Variants in CSMD1 observed in about 807,000 individuals in gnomAD.
CSMD1 encodes the protein CUB and Sushi multiple domains 1, also known as CUB and sushi domain-containing protein 1.
CSMD1 carries 213 observed loss-of-function variants against 417.5 expected under a neutral mutation model. The observed-to-expected ratio is 0.51, with a 90% CI of 0.46 to 0.57. The LOEUF is 0.57. Among genes scored for constraint, CSMD1 ranks in the 20% least tolerant of loss-of-function variants. The probability of loss-of-function intolerance (pLI) is 0.00; values close to 1 mark genes in which losing one functional copy is unlikely to be tolerated. For synonymous variants in CSMD1, 2,862 were observed against 1,736.8 expected, an observed-to-expected ratio of 1.65 and a Z score of -16.11; for missense variants, 6,923 against 4,529.7, an observed-to-expected ratio of 1.53 and a Z score of -15.17.
intron 3 of CSMD1, among the ~76,000 whole-genome samples, chr8:4,101,687 A>C (rs1801312422): frequency 6.6e-6 from 1 of 152,228 alleles, no homozygotes; most frequent in Non-Finnish European, 1.5e-5. Context: ...AGTGATGGTA[A>C]CCAAATGATT....
intron 2 of CSMD1, among the ~76,000 whole-genome samples, chr8:4,562,921 A>T (rs573036921): frequency 4.1e-4 from 62 of 152,306 alleles, no homozygotes; most frequent in African/African-American, 1.5e-3. Flanking sequence ...ATGTATATAT[A>T]AAAAAATTAA....
chr8:4,777,183 C>T (rs1388230924), intron 1 of CSMD1, among the ~76,000 whole-genome samples: 2 of 152,174 alleles, frequency 1.3e-5, no homozygotes, highest in Admixed American at 1.3e-4. Context: ...TCCTGTTTTA[C>T]CTTGTGGTTG....
rs967234017 is a variant in CSMD1 at position 4,787,255 on chromosome 8, G to A, written c.86-149697C>T. Reference sequence around the variant, plus strand: ...CGCGCCTCCTTCCCCGCCCAGAGATGCTCTCTGATCACCCCTCTTTTCTAG... The same window carrying A: ...CGCGCCTCCTTCCCCGCCCAGAGATACTCTCTGATCACCCCTCTTTTCTAG... On this transcript the variant is annotated intron_variant, in intron 1 of 69. Transcript: ENST00000635120. 2.5e-5 allele frequency: 14 copies of A among 554,106 alleles called. No homozygotes were observed. The East Asian group carries it at 2.7e-4, about 11-fold the overall frequency. The allele number at this position is 554,106 out of a possible 1,614,324, so 34.3% of individuals were successfully genotyped here.
At chr8:3,509,030 C>A (rs1281811171) in intron 10 of CSMD1, among the ~76,000 whole-genome samples, 1 of 152,194 alleles carries the variant, frequency 6.6e-6, no homozygotes, top group African/African-American at 2.4e-5. Context: ...AGCTATCTGA[C>A]CTTGGGCAAG....
chr8:4,061,923 T>C (rs1388456794), intron 3 of CSMD1, among the ~76,000 whole-genome samples: 2 of 152,182 alleles, frequency 1.3e-5, no homozygotes, highest in African/African-American at 4.8e-5. Flanking sequence ...CAATTATGCA[T>C]TACTGACTAA....
chr8:4,272,582 CT>C (rs1225493343), intron 3 of CSMD1, among the ~76,000 whole-genome samples: 1 of 152,022 alleles, frequency 6.6e-6, no homozygotes, highest in African/African-American at 2.4e-5. Context: ...TGCAGTATAC[CT>C]TTTTTGAAGG....
chr8:4,465,874 T>G (rs1045858273), intron 2 of CSMD1, among the ~76,000 whole-genome samples: 18 of 152,288 alleles, frequency 1.2e-4, no homozygotes, highest in Non-Finnish European at 7.4e-5. Context: ...TGATTGTATC[T>G]GGAAGTGGCT....
intron 1 of CSMD1, among the ~76,000 whole-genome samples, chr8:4,975,218 G>A (rs10113551): frequency 0.15 from 22,949 of 151,992 alleles, 1,891 homozygotes; most frequent in East Asian, 0.31. Context: ...CCAAAGTTAT[G>A]AAAATATCAG....
At chr8:3,732,354 G>C (rs1047460202) in intron 6 of CSMD1, among the ~76,000 whole-genome samples, 3 of 151,886 alleles carry the variant, frequency 2.0e-5, no homozygotes, top group Non-Finnish European at 4.4e-5. Flanking sequence ...CCTCACCATA[G>C]TAAACCAATG....
At position 3,620,440 on chromosome 8, in the gene CSMD1, A is replaced by C. The variant is rs1203948670; in HGVS notation, c.1010-3643T>G. Reference sequence around the variant, plus strand: ...CCATGTTCATTTCCTACAGTATTTAAAGATAAATGCATAAAATAATTATGC... The same window carrying C: ...CCATGTTCATTTCCTACAGTATTTACAGATAAATGCATAAAATAATTATGC... On this transcript the variant is annotated intron_variant, in intron 7 of 69. Transcript: ENST00000635120. Among the ~76,000 whole-genome samples the C allele has an allele frequency of 2.0e-5, 3 of 152,202 alleles. No individual in the cohort carries two copies. The East Asian group carries it at 5.8e-4, about 29-fold the overall frequency.
At chr8:4,542,603 C>G (rs1158207098) in intron 2 of CSMD1, among the ~76,000 whole-genome samples, 4 of 152,076 alleles carry the variant, frequency 2.6e-5, no homozygotes, top group Admixed American at 1.3e-4. Context: ...CAATTTTTTT[C>G]AATGTAACTT....
intron 37 of CSMD1, among the ~76,000 whole-genome samples, chr8:3,179,072 T>C (rs535545804): frequency 4.0e-4 from 61 of 151,454 alleles, no homozygotes; most frequent in South Asian, 3.4e-3. Flanking sequence ...CTCAGCCTCC[T>C]GAGCAGCTGG....
At chr8:3,905,332 T>G (rs1452414746) in intron 5 of CSMD1, among the ~76,000 whole-genome samples, 1 of 152,224 alleles carries the variant, frequency 6.6e-6, no homozygotes, top group Non-Finnish European at 1.5e-5. Context: ...TGATCTTAAA[T>G]CCAACATAAA....
chr8:4,119,078 CA>C (rs1563147395), intron 3 of CSMD1, among the ~76,000 whole-genome samples: 2 of 151,960 alleles, frequency 1.3e-5, no homozygotes, highest in Admixed American at 1.3e-4. Flanking sequence ...ACATCACACA[CA>C]GGGACCTGTC....
rs532694938 is a variant in CSMD1, at chr8:4,445,244, G to C, written c.303-25179C>G. Among the ~76,000 whole-genome samples, 121 of 151,858 alleles carry C rather than the reference G, an allele frequency of 8.0e-4. 3 individuals are homozygous for C. The South Asian group carries it at 0.015, about 18-fold the overall frequency. On this transcript the variant is annotated intron_variant, in intron 2 of 69. Coordinates refer to ENST00000635120, the MANE Select transcript of CSMD1 (RefSeq NM_033225.6). ...ATTGTTTGACCATTATTTTTCTCTT[G>C]TTCTCTTTCTAGCCATATGTTCTCT...
intron 7 of CSMD1, among the ~76,000 whole-genome samples, chr8:3,650,566 T>G (rs917963557): frequency 1.3e-5 from 2 of 152,212 alleles, no homozygotes; most frequent in Non-Finnish European, 2.9e-5. Flanking sequence ...TATTACAGAT[T>G]GTATACTGCT....
intron 7 of CSMD1, among the ~76,000 whole-genome samples, chr8:3,675,313 A>C (rs572935181): frequency 1.3e-5 from 2 of 152,258 alleles, no homozygotes; most frequent in South Asian, 2.1e-4. Flanking sequence ...GCACATCCTC[A>C]CGTCTCCACT....
intron 5 of CSMD1, among the ~76,000 whole-genome samples, chr8:3,823,734 C>T (rs907601985): frequency 2.0e-5 from 3 of 152,094 alleles, no homozygotes; most frequent in East Asian, 1.9e-4. Context: ...ACCTTTTTAA[C>T]ACAAAGTAAA....
intron 6 of CSMD1, among the ~76,000 whole-genome samples, chr8:3,738,598 C>T (rs565094541): frequency 1.2e-3 from 186 of 152,242 alleles, no homozygotes; most frequent in African/African-American, 4.1e-3. Context: ...TGGCAAACAT[C>T]CTCAGGTGGC....
Sources: allele counts gnomAD v4.1 joint callset (sites outside exome capture counted in the v4.1 genomes callset), GRCh38; gene constraint gnomAD v4.1.1; transcripts MANE v1.5; gene names NCBI Gene and HGNC (gene_info 2026-07-23, HGNC 2026-07-21).